SOBP: variants seen among roughly 807,000 people sequenced by gnomAD.
SOBP encodes sine oculis binding protein homolog.
A neutral mutation model predicts 53.6 loss-of-function variants in SOBP; 4 were observed. The ratio of observed to expected loss-of-function variants is 0.07; its 90% CI spans 0.04 to 0.17. The LOEUF is 0.17. Among genes scored for constraint, SOBP ranks in the 10% least tolerant of loss-of-function variants. The pLI is 1.00. For synonymous variants in SOBP, 584 were observed against 522.6 expected, an observed-to-expected ratio of 1.12 and a Z score of -1.60; for missense variants, 1,088 against 1,204.7, an observed-to-expected ratio of 0.90 and a Z score of 1.43.
chr6:107,629,127 C>T lies in SOBP; in HGVS notation c.670-4387C>T, dbSNP rs191009455. On this transcript the variant is annotated intron_variant, in intron 5 of 6. Transcript: ENST00000317357. The stretch of plus-strand genomic sequence containing the variant: ...GGAGCTACAACGTCTGAGCTGTTAC[C>T]TAGGAGATACATTAGTAGACAGTCA... Among the ~76,000 whole-genome samples the T allele has an allele frequency of 3.3e-3, 495 of 152,200 alleles. 2 individuals are homozygous for T. Among genetic ancestry groups the T allele is most frequent in the African/African-American group, 0.012 (483 of 41,518 alleles).
rs910004741 is a variant in SOBP at position 107,591,641 on chromosome 6, A to G, written c.669+4466A>G. On this transcript the variant is annotated intron_variant, in intron 5 of 6. Transcript: ENST00000317357. Reference sequence around the variant, plus strand: ...GCCAAGTGTAGAGTACCTGAAGGCTAAGGGGTGAACAGCAGGCAGTCCCAT... The same window carrying G: ...GCCAAGTGTAGAGTACCTGAAGGCTGAGGGGTGAACAGCAGGCAGTCCCAT... Among the ~76,000 whole-genome samples, 2 of 152,180 alleles carry G rather than the reference A, an allele frequency of 1.3e-5. 1 individual carries two copies. The highest frequency in any genetic ancestry group is 4.1e-4 in the South Asian group (2 of 4,824).
intron 1 of SOBP, among the ~76,000 whole-genome samples, chr6:107,497,636 C>T (rs1005938335): frequency 6.6e-6 from 1 of 152,050 alleles, no homozygotes; most frequent in Non-Finnish European, 1.5e-5. Flanking sequence ...TCATACTATA[C>T]TAACCTTCCT....
At chr6:107,639,895 T>C (rs1771233292) in intron 6 of SOBP, among the ~76,000 whole-genome samples, 1 of 152,200 alleles carries the variant, frequency 6.6e-6, no homozygotes, top group Non-Finnish European at 1.5e-5. Flanking sequence ...TTTTCCACCT[T>C]TGTGGCTCCC....
At chr6:107,593,930 A>G (rs1250819968) in intron 5 of SOBP, among the ~76,000 whole-genome samples, 1 of 152,238 alleles carries the variant, frequency 6.6e-6, no homozygotes, top group East Asian at 1.9e-4. Context: ...TTGCCTTTTT[A>G]TGCCTAGGGA....
intron 4 of SOBP, among the ~76,000 whole-genome samples, chr6:107,557,103 T>C (rs1784633188): frequency 6.6e-6 from 1 of 152,226 alleles, no homozygotes; most frequent in Admixed American, 6.5e-5. Flanking sequence ...ATATGTGTAC[T>C]TGGTACACTT....
At chr6:107,494,386 T>A (rs1026665125) in intron 1 of SOBP, among the ~76,000 whole-genome samples, 3 of 152,218 alleles carry the variant, frequency 2.0e-5, no homozygotes, top group African/African-American at 7.2e-5. Context: ...AAAACTAACT[T>A]CTACTAGTGG....
intron 6 of SOBP, among the ~76,000 whole-genome samples, chr6:107,647,433 A>G (rs1180898955): frequency 6.6e-6 from 1 of 152,238 alleles, no homozygotes; most frequent in Non-Finnish European, 1.5e-5. Context: ...TTGTGCAGTT[A>G]TCAGCTCCAA....
intron 1 of SOBP, among the ~76,000 whole-genome samples, chr6:107,492,722 A>G (rs958249625): frequency 6.6e-6 from 1 of 152,150 alleles, no homozygotes; most frequent in Non-Finnish European, 1.5e-5. Flanking sequence ...CCTCTTTTTA[A>G]AATATTATTT....
At chr6:107,615,124 T>C (rs951749176) in intron 5 of SOBP, among the ~76,000 whole-genome samples, 2 of 152,158 alleles carry the variant, frequency 1.3e-5, no homozygotes, top group African/African-American at 4.8e-5. Flanking sequence ...GCGGCACCCA[T>C]GGGGACTGTT....
rs1482693395 is a variant in SOBP, at chr6:107,500,717, G to A, written c.97-2940G>A. Among the ~76,000 whole-genome samples, 11 of 151,238 alleles carry A rather than the reference G, an allele frequency of 7.3e-5. No homozygotes were observed. The East Asian group carries it at 2.1e-3, about 29-fold the overall frequency. On this transcript the variant is annotated intron_variant, in intron 1 of 6. Transcript: ENST00000317357. ...TTTGTATTTTTATTAGAGACGGATG[G>A]GGTTTCACCATGTTAGCCAGGATGG...
chr6:107,551,192 C>A (rs1035490722), intron 4 of SOBP, among the ~76,000 whole-genome samples: 36 of 152,090 alleles, frequency 2.4e-4, no homozygotes, highest in Non-Finnish European at 3.7e-4. Flanking sequence ...GGGGTGGTTA[C>A]CACAACAGAT....
chr6:107,610,800 A>G (rs76763290), intron 5 of SOBP, among the ~76,000 whole-genome samples: 3,856 of 96,908 alleles, frequency 0.04, 143 homozygotes, highest in East Asian at 0.24. Context: ...GCACACGCAC[A>G]CACACACACA....
intron 5 of SOBP, among the ~76,000 whole-genome samples, chr6:107,591,640 T>C (rs1261568986): frequency 6.6e-6 from 1 of 152,148 alleles, no homozygotes; most frequent in Non-Finnish European, 1.5e-5. Context: ...ACCTGAAGGC[T>C]AAGGGGTGAA....
At chr6:107,570,429 C>T (rs149512946) in intron 4 of SOBP, among the ~76,000 whole-genome samples, 25 of 152,310 alleles carry the variant, frequency 1.6e-4, no homozygotes, top group African/African-American at 5.8e-4. Context: ...ATTGAATCAC[C>T]ACCTTCCTTG....
chr6:107,506,387 T>A lies in SOBP; in HGVS notation c.381T>A (p.Ile127=), dbSNP rs962233807. The A allele has an allele frequency of 1.2e-6, 2 of 1,614,222 alleles. No homozygotes were observed. The highest frequency in any genetic ancestry group is 2.7e-5 in the African/African-American group (2 of 75,060). ...GSKDHGSVPI[I]VPLIPPPFIK... ...AGGATCATGGCAGTGTGCCCATTAT[T>A]GTACCTTTAATTCCACCACCTTTCA... Residue 127 remains isoleucine, a synonymous_variant, in exon 3 of 7, where the codon ATT becomes ATA. Coordinates refer to ENST00000317357, the MANE Select transcript of SOBP (RefSeq NM_018013.4).
intron 3 of SOBP, among the ~76,000 whole-genome samples, chr6:107,526,099 C>T (rs1783653391): frequency 6.6e-6 from 1 of 152,084 alleles, no homozygotes; most frequent in Admixed American, 6.5e-5. Flanking sequence ...AGGCAGCCGC[C>T]ACCATGCCTG....
chr6:107,628,955 C>A (rs1770582057), intron 5 of SOBP, among the ~76,000 whole-genome samples: 1 of 152,192 alleles, frequency 6.6e-6, no homozygotes. Flanking sequence ...ACACTGAGCA[C>A]CCCTGCCCAC....
chr6:107,592,642 A>G (rs62428414), intron 5 of SOBP, among the ~76,000 whole-genome samples: 33,996 of 152,104 alleles, frequency 0.22, 5,434 homozygotes, highest in African/African-American at 0.45. Flanking sequence ...ACATCAAACA[A>G]AACATCATAT....
At chr6:107,505,722 C>T (rs1401544412) in intron 2 of SOBP, among the ~76,000 whole-genome samples, 1 of 152,134 alleles carries the variant, frequency 6.6e-6, no homozygotes. Flanking sequence ...ATGATCTCAG[C>T]TCACTGCAAC....
Sources: allele counts gnomAD v4.1 joint callset (sites outside exome capture counted in the v4.1 genomes callset), GRCh38; gene constraint gnomAD v4.1.1; transcripts MANE v1.5; gene names NCBI Gene and HGNC (gene_info 2026-07-23, HGNC 2026-07-21).